The following P4HA1 variants were observed in gnomAD, a reference collection of about 807,000 sequenced individuals.
The protein encoded by P4HA1 is prolyl 4-hydroxylase subunit alpha-1.
In P4HA1, 24 loss-of-function variants were observed where a neutral mutation model predicts 72.8. The ratio of observed to expected loss-of-function variants is 0.33; its 90% CI spans 0.24 to 0.46. P4HA1 has a LOEUF of 0.46. P4HA1 is among the 20% of genes least tolerant of loss of function. P4HA1 has a pLI of 1.00. For synonymous variants in P4HA1, 201 were observed against 218.8 expected, an observed-to-expected ratio of 0.92 and a Z score of 0.72; for missense variants, 446 against 640.6, an observed-to-expected ratio of 0.70 and a Z score of 3.28.
chr10:73,064,756 G>A (rs1000658506), intron 5 of P4HA1, among the ~76,000 whole-genome samples: 7 of 150,646 alleles, frequency 4.6e-5, no homozygotes, highest in East Asian at 2.0e-4. Flanking sequence ...CAAGAGAATC[G>A]CTTGAACCCA....
At chr10:73,076,252 AG>A (rs1841694964) in intron 1 of P4HA1, among the ~76,000 whole-genome samples, 1 of 151,988 alleles carries the variant, frequency 6.6e-6, no homozygotes, top group South Asian at 2.1e-4. Context: ...TTTAAGAGAC[AG>A]GGGTCTTGTT....
Position 73,093,136 on chromosome 10 carries a change from A to G in P4HA1, c.-33+3630T>C, listed in dbSNP as rs376709330. 1.4e-3 allele frequency among the ~76,000 whole-genome samples: 214 copies of G among 151,806 alleles called. 6 individuals are homozygous for G. The South Asian group carries it at 0.038, about 27-fold the overall frequency. On this transcript the variant is annotated intron_variant, in intron 1 of 14. Coordinates refer to ENST00000394890, the MANE Select transcript of P4HA1 (RefSeq NM_001017962.3). Reference sequence around the variant, plus strand: ...TCCTATCTCTTAAAAAAAAAAAAAAAAGAGAGAGTAAGGCTGAGTGTACTA... The same window carrying G: ...TCCTATCTCTTAAAAAAAAAAAAAAGAGAGAGAGTAAGGCTGAGTGTACTA...
intron 5 of P4HA1, among the ~76,000 whole-genome samples, chr10:73,061,298 C>T (rs1841306604): frequency 1.3e-5 from 2 of 152,118 alleles, no homozygotes. Context: ...AAGCCACAAG[C>T]TCTAACCAGT....
intron 12 of P4HA1, among the ~76,000 whole-genome samples, chr10:73,013,472 C>A (rs6480654): frequency 0.048 from 7,262 of 152,244 alleles, 606 homozygotes; most frequent in African/African-American, 0.17. Flanking sequence ...CTTCAAGATA[C>A]CCCAGTGCCA....
chr10:73,011,906 G>T (rs1264200666), intron 12 of P4HA1, among the ~76,000 whole-genome samples: 1 of 150,912 alleles, frequency 6.6e-6, no homozygotes, highest in East Asian at 1.9e-4. Flanking sequence ...TGAGATAGAA[G>T]GTATTTTACA....
chr10:73,027,410 G>C (rs1413058595), intron 10 of P4HA1, among the ~76,000 whole-genome samples: 7 of 148,652 alleles, frequency 4.7e-5, no homozygotes, highest in Non-Finnish European at 3.0e-5. Context: ...AGAACACTTG[G>C]ACACAGGGCA....
rs193178015 is a variant in P4HA1, at chr10:73,092,452, C to T, written c.-33+4314G>A. Among the ~76,000 whole-genome samples the T allele has an allele frequency of 4.7e-3, 689 of 147,474 alleles. 7 individuals carry two copies. The highest frequency in any genetic ancestry group is 0.016 in the African/African-American group (646 of 40,050). On this transcript the variant is annotated intron_variant, in intron 1 of 14. Coordinates refer to ENST00000394890, the MANE Select transcript of P4HA1 (RefSeq NM_001017962.3). ...GCAGCTTCCAACTCTTGGGCTCAAGCGACCCTCCCACCTCAGCCTCCCAAG... is the reference window on the plus strand; with the variant it reads ...GCAGCTTCCAACTCTTGGGCTCAAGTGACCCTCCCACCTCAGCCTCCCAAG...
chr10:73,041,156 TCAG>T (rs1395356160), intron 9 of P4HA1, among the ~76,000 whole-genome samples: 3 of 152,156 alleles, frequency 2.0e-5, no homozygotes, highest in Non-Finnish European at 4.4e-5. Flanking sequence ...CTAATGGGGT[TCAG>T]GACACTCAAC....
At chr10:73,019,986 A>G (rs1466648687) in intron 10 of P4HA1, among the ~76,000 whole-genome samples, 2 of 152,100 alleles carry the variant, frequency 1.3e-5, no homozygotes, top group Non-Finnish European at 2.9e-5. Context: ...AACCTATTTA[A>G]TAATAGCTGA....
intron 9 of P4HA1, among the ~76,000 whole-genome samples, chr10:73,037,133 G>GA (rs776699391): frequency 1.3e-5 from 2 of 151,756 alleles, no homozygotes; most frequent in East Asian, 1.9e-4. Flanking sequence ...AGTGCCAGGA[G>GA]AAAAAAGAAC....
Position 73,073,834 on chromosome 10 carries a change from G to A in P4HA1, c.77-7C>T. 3.0e-6 allele frequency: 4 copies of A among 1,352,096 alleles called. No homozygotes were observed. The highest frequency in any genetic ancestry group is 4.2e-6 in the Non-Finnish European group (4 of 942,562). 83.8% of individuals were successfully genotyped at this position (1,352,096 alleles called of 1,614,324 possible). ...ATCAAATCAGTCATCTGACCTAGAA[G>A]GGGAAGAAGGTTATCAAATACTCAT... On this transcript the variant is annotated splice_polypyrimidine_tract_variant and splice_region_variant and intron_variant, in intron 2 of 14. Transcript: ENST00000394890.
chr10:73,029,316 C>T (rs781739016), intron 10 of P4HA1, among the ~76,000 whole-genome samples: 74 of 149,846 alleles, frequency 4.9e-4, no homozygotes, highest in Non-Finnish European at 9.6e-4. Flanking sequence ...GAGGCTGAGG[C>T]AGGAGAATCG....
intron 10 of P4HA1, among the ~76,000 whole-genome samples, chr10:73,021,787 A>C (rs1840142168): frequency 6.6e-6 from 1 of 152,220 alleles, no homozygotes; most frequent in Non-Finnish European, 1.5e-5. Flanking sequence ...AATCCTGCCC[A>C]CATACTGCGC....
chr10:73,078,491 G>A (rs1841750872), intron 1 of P4HA1, among the ~76,000 whole-genome samples: 1 of 151,628 alleles, frequency 6.6e-6, no homozygotes, highest in Non-Finnish European at 1.5e-5. Flanking sequence ...ATTAACACTG[G>A]TCAAAACGAA....
At chr10:73,055,739 T>G (rs1003570171) in intron 5 of P4HA1, among the ~76,000 whole-genome samples, 1 of 152,230 alleles carries the variant, frequency 6.6e-6, no homozygotes, top group African/African-American at 2.4e-5. Flanking sequence ...AGAAAATACT[T>G]AGTCTCATTC....
Position 73,034,354 on chromosome 10 carries a change from T to C in P4HA1, c.1149-3984A>G, listed in dbSNP as rs1044938104. Among the ~76,000 whole-genome samples, 55 of 152,278 alleles carry C rather than the reference T, an allele frequency of 3.6e-4. 1 individual carries two copies. The highest frequency in any genetic ancestry group is 3.4e-3 in the Middle Eastern group (1 of 294). ...ACAATTCACTGGTGTTAAGTACATT[T>C]ACAATACCTTACAACCATCAGCACT... On this transcript the variant is annotated intron_variant, in intron 9 of 14. Coordinates refer to ENST00000394890, the MANE Select transcript of P4HA1 (RefSeq NM_001017962.3).
chr10:73,084,163 C>T (rs896140401), intron 1 of P4HA1, among the ~76,000 whole-genome samples: 1 of 152,186 alleles, frequency 6.6e-6, no homozygotes, highest in African/African-American at 2.4e-5. Context: ...TTTTTCACCA[C>T]CCTAAGGATA....
intron 8 of P4HA1, among the ~76,000 whole-genome samples, chr10:73,045,954 C>T (rs1245599243): frequency 6.6e-6 from 1 of 151,386 alleles, no homozygotes; most frequent in African/African-American, 2.4e-5. Context: ...TATAGATATC[C>T]AGATAATTCA....
intron 9 of P4HA1, chr10:73,043,789 C>T (rs1840790816): frequency 1.1e-6 from 1 of 878,478 alleles, no homozygotes; most frequent in Non-Finnish European, 1.9e-6. Context: ...GCCTAACCAC[C>T]TAGGTCTTAG....
Sources: allele counts gnomAD v4.1 joint callset (sites outside exome capture counted in the v4.1 genomes callset), GRCh38; gene constraint gnomAD v4.1.1; transcripts MANE v1.5; gene names NCBI Gene and HGNC (gene_info 2026-07-23, HGNC 2026-07-21).